CAMK1D: variants seen among roughly 807,000 people sequenced by gnomAD.
CAMK1D encodes the protein calcium/calmodulin-dependent protein kinase type 1D.
In CAMK1D, 9 loss-of-function variants were observed where a neutral mutation model predicts 47.7. That is an observed-to-expected ratio of 0.19 (90% CI 0.11 to 0.33). The LOEUF (loss-of-function observed/expected upper bound fraction) is 0.33, where lower values mean the gene tolerates loss of function less well. Among genes scored for constraint, CAMK1D ranks in the 10% least tolerant of loss-of-function variants. CAMK1D has a pLI of 1.00. For missense variants in CAMK1D, 291 were observed against 488.7 expected (o/e 0.60, Z 3.81); for synonymous variants, 184 against 184.9 (o/e 0.99, Z 0.04).
chr10:12,494,040 G>C (rs1033721149), intron 1 of CAMK1D, among the ~76,000 whole-genome samples: 2 of 152,186 alleles, frequency 1.3e-5, no homozygotes, highest in African/African-American at 4.8e-5. Context: ...TGAGACCTGG[G>C]TTAATGTAGT....
chr10:12,573,945 G>A (rs72771721), intron 2 of CAMK1D, among the ~76,000 whole-genome samples: 38,182 of 149,098 alleles, frequency 0.26, 5,837 homozygotes, highest in Non-Finnish European at 0.33. Context: ...CAAGGTGCTG[G>A]GATCGCAGGT....
intron 2 of CAMK1D, among the ~76,000 whole-genome samples, chr10:12,572,493 G>A (rs549730795): frequency 1.3e-5 from 2 of 152,326 alleles, no homozygotes; most frequent in Admixed American, 6.5e-5. Context: ...GAAGATGAGG[G>A]ATGATTCCTG....
At chr10:12,679,964 A>G (rs141768715) in intron 3 of CAMK1D, among the ~76,000 whole-genome samples, 7 of 152,328 alleles carry the variant, frequency 4.6e-5, no homozygotes, top group Non-Finnish European at 8.8e-5. Flanking sequence ...GCTCCTCTCT[A>G]AAATGTAAGC....
intron 1 of CAMK1D, among the ~76,000 whole-genome samples, chr10:12,423,038 T>A (rs1296009064): frequency 6.6e-6 from 1 of 152,194 alleles, no homozygotes; most frequent in African/African-American, 2.4e-5. Flanking sequence ...GAGGGTTTGC[T>A]TTTGTACATG....
chr10:12,365,899 CA>C (rs1400228343), intron 1 of CAMK1D, among the ~76,000 whole-genome samples: 4 of 151,930 alleles, frequency 2.6e-5, no homozygotes, highest in South Asian at 2.1e-4. Flanking sequence ...CTAAAAAATA[CA>C]AAAAAATTAG....
chr10:12,595,342 G>GAAAAAAAAAAAAAAAAAAAA lies in CAMK1D; in HGVS notation c.224+41989_224+42008dup, dbSNP rs535214333. Among the ~76,000 whole-genome samples, 18 of 23,564 alleles carry GAAAAAAAAAAAAAAAAAAAA rather than the reference G, an allele frequency of 7.6e-4. 6 individuals carry two copies. The highest frequency in any genetic ancestry group is 1.8e-3 in the Admixed American group (2 of 1,134). 15.5% of individuals were successfully genotyped at this position (23,564 alleles called of 152,430 possible). A position where few individuals can be genotyped will look rare whatever the true frequency, so the allele number is the denominator to read the frequency against. On this transcript the variant is annotated intron_variant, in intron 2 of 10. Coordinates refer to ENST00000619168, the MANE Select transcript of CAMK1D (RefSeq NM_153498.4). ...GGGCAACAAGAGTGAAACTCCATCT[G>GAAAAAAAAAAAAAAAAAAAA]AAAAAAAAAAAAAAAAAAAAAAGGA...
chr10:12,511,576 A>T (rs1465260931), intron 1 of CAMK1D, among the ~76,000 whole-genome samples: 5 of 152,096 alleles, frequency 3.3e-5, no homozygotes, highest in Admixed American at 3.3e-4. Flanking sequence ...GCTCCACCAC[A>T]CTCTAGCCTG....
intron 1 of CAMK1D, among the ~76,000 whole-genome samples, chr10:12,353,710 C>T (rs1321264816): frequency 6.6e-6 from 1 of 152,140 alleles, no homozygotes; most frequent in East Asian, 1.9e-4. Flanking sequence ...CAGCCTCCTA[C>T]AAAAGGGAAT....
At chr10:12,513,778 G>A (rs1315604126) in intron 1 of CAMK1D, among the ~76,000 whole-genome samples, 1 of 152,188 alleles carries the variant, frequency 6.6e-6, no homozygotes, top group African/African-American at 2.4e-5. Context: ...TCCATTCTGG[G>A]TGACAGAGGG....
chr10:12,517,309 C>G (rs1446432463), intron 1 of CAMK1D, among the ~76,000 whole-genome samples: 1 of 152,160 alleles, frequency 6.6e-6, no homozygotes, highest in Non-Finnish European at 1.5e-5. Flanking sequence ...CATAAACAAT[C>G]ATGTTATCTG....
At position 12,392,202 on chromosome 10, in the gene CAMK1D, T is replaced by G. The variant is rs142040521; in HGVS notation, c.92+42292T>G. 6.4e-3 allele frequency among the ~76,000 whole-genome samples: 978 copies of G among 151,962 alleles called. 14 individuals carry two copies. The highest frequency in any genetic ancestry group is 0.022 in the African/African-American group (915 of 41,358). On this transcript the variant is annotated intron_variant, in intron 1 of 10. Coordinates refer to ENST00000619168, the MANE Select transcript of CAMK1D (RefSeq NM_153498.4). ...CTTTAATCCCAGCTACTCGGGAGGC[T>G]GAGGCAGGAGAATCACTGGAACCCA...
At chr10:12,770,174 A>G (rs1836976438) in intron 5 of CAMK1D, among the ~76,000 whole-genome samples, 1 of 152,258 alleles carries the variant, frequency 6.6e-6, no homozygotes, top group Non-Finnish European at 1.5e-5. Flanking sequence ...TGCACACACA[A>G]GAAAACTTTT....
At chr10:12,691,358 TATATATATATATATATATAA>T (rs1163193423) in intron 3 of CAMK1D, among the ~76,000 whole-genome samples, 2 of 6,130 alleles carry the variant, frequency 3.3e-4, no homozygotes, top group African/African-American at 1.0e-3. Context: ...TCTATATATA[TATATATATATATATATATAA>T]ATATATATAT....
At chr10:12,650,381 G>T (rs942952112) in intron 2 of CAMK1D, among the ~76,000 whole-genome samples, 1 of 152,230 alleles carries the variant, frequency 6.6e-6, no homozygotes, top group African/African-American at 2.4e-5. Flanking sequence ...GACATTGGTC[G>T]TGCTGTGTCA....
chr10:12,476,149 G>A (rs1037034992), intron 1 of CAMK1D, among the ~76,000 whole-genome samples: 2 of 152,008 alleles, frequency 1.3e-5, no homozygotes, highest in South Asian at 4.2e-4. Context: ...AAAATTAGCT[G>A]GGCATGGTGG....
chr10:12,381,978 G>C (rs574455192), intron 1 of CAMK1D, among the ~76,000 whole-genome samples: 1 of 152,298 alleles, frequency 6.6e-6, no homozygotes, highest in East Asian at 1.9e-4. Context: ...CACTCATTGT[G>C]TGGGTTTTTC....
chr10:12,819,426 AGGGG>A (rs1312587377), intron 8 of CAMK1D, among the ~76,000 whole-genome samples: 2 of 152,234 alleles, frequency 1.3e-5, no homozygotes, highest in Non-Finnish European at 2.9e-5. Context: ...CAGGCAGGGC[AGGGG>A]CCTGGCCTGG....
intron 10 of CAMK1D, among the ~76,000 whole-genome samples, chr10:12,827,870 G>A (rs2131134513): frequency 6.6e-6 from 1 of 152,122 alleles, no homozygotes; most frequent in African/African-American, 2.4e-5. Context: ...TGTATTTTTT[G>A]TAGACCCAGG....
chr10:12,357,005 A>G (rs1370288871), intron 1 of CAMK1D, among the ~76,000 whole-genome samples: 1 of 151,918 alleles, frequency 6.6e-6, no homozygotes, highest in Non-Finnish European at 1.5e-5. Context: ...AAATCTCTTT[A>G]ATCTTTCCTT....
Sources: gnomAD v4.1 joint callset for allele counts (sites outside exome capture counted in the v4.1 genomes callset) on GRCh38, gnomAD v4.1.1 for gene constraint, MANE v1.5 for transcripts, NCBI Gene and HGNC (gene_info 2026-07-23, HGNC 2026-07-21) for gene names.